Variants in ZNF736 observed in about 807,000 individuals in gnomAD.
ZNF736 encodes the protein KRAB-containing zinc-finger repressor protein.
ZNF736 carries 6 observed loss-of-function variants against 11.7 expected under a neutral mutation model. The ratio of observed to expected loss-of-function variants is 0.51; its 90% CI spans 0.28 to 1.01. ZNF736 has a LOEUF of 1.01. Ranked by LOEUF, ZNF736 falls within the 50% of genes least tolerant of loss-of-function variation. The pLI, the probability that ZNF736 is intolerant of heterozygous loss-of-function variation, is 0.09. For missense variants in ZNF736, 444 were observed against 496.0 expected (o/e 0.90, Z 1.00); for synonymous variants, 139 against 164.7 (o/e 0.84, Z 1.19).
rs542365171 is a variant in ZNF736 at position 64,353,822 on chromosome 7, C to A, written c.*4675C>A. 6 of 152,260 alleles carry A rather than the reference C, an allele frequency of 3.9e-5. No individual in the cohort carries two copies. Among genetic ancestry groups the A allele is most frequent in the Non-Finnish European group, 5.9e-5 (4 of 68,024 alleles). The allele number at this position is 152,260 out of a possible 1,614,324, so 9.4% of individuals were successfully genotyped here. A position where few individuals can be genotyped will look rare whatever the true frequency, so the allele number is the denominator to read the frequency against. On this transcript the variant is annotated 3_prime_UTR_variant, in exon 4 of 4. Transcript: ENST00000423484. ...TAGAAGGAAATTGCCTTACCATTTGCAAATTAAGGTAATTAAAATACAGTG... is the reference window on the plus strand; with the variant it reads ...TAGAAGGAAATTGCCTTACCATTTGAAAATTAAGGTAATTAAAATACAGTG...
chr7:64,328,764 A>C (rs1163413810), intron 1 of ZNF736, among the ~76,000 whole-genome samples: 2 of 152,152 alleles, frequency 1.3e-5, no homozygotes, highest in Non-Finnish European at 2.9e-5. Flanking sequence ...TCTGTCTGAA[A>C]AAAAAACTTC....
intron 3 of ZNF736, among the ~76,000 whole-genome samples, chr7:64,337,901 T>C (rs1789282822): frequency 6.6e-6 from 1 of 152,000 alleles, no homozygotes; most frequent in South Asian, 2.1e-4. Flanking sequence ...ATTACAGGCA[T>C]GTGCCACCAC....
intron 1 of ZNF736, among the ~76,000 whole-genome samples, chr7:64,328,900 T>G (rs1789119592): frequency 6.6e-6 from 1 of 152,110 alleles, no homozygotes; most frequent in Non-Finnish European, 1.5e-5. Flanking sequence ...TACCCAGAAC[T>G]TTTTCTCTAC....
intron 3 of ZNF736, among the ~76,000 whole-genome samples, chr7:64,340,688 G>A (rs1194491028): frequency 1.3e-5 from 2 of 152,090 alleles, no homozygotes; most frequent in Non-Finnish European, 2.9e-5. Context: ...AGGATTACAG[G>A]TGTGAACCAC....
At chr7:64,337,749 T>TG (rs1789275796) in intron 3 of ZNF736, among the ~76,000 whole-genome samples, 3 of 71,400 alleles carry the variant, frequency 4.2e-5, no homozygotes, top group African/African-American at 8.9e-5. Context: ...TTGTTTTGTT[T>TG]TTTTTGGTTT....
rs1191135840 is a variant in ZNF736, at chr7:64,352,525, C to G, written c.*3378C>G. Reference sequence around the variant, plus strand: ...CCAGAAGGCTGGAACAGCTAACTCACACAAACAGCAAAAATGGCAGCTCAC... The same window carrying G: ...CCAGAAGGCTGGAACAGCTAACTCAGACAAACAGCAAAAATGGCAGCTCAC... On this transcript the variant is annotated 3_prime_UTR_variant, in exon 4 of 4. Transcript: ENST00000423484. 3 of 153,104 alleles carry G rather than the reference C, an allele frequency of 2.0e-5. No homozygotes were observed. Among genetic ancestry groups the G allele is most frequent in the Non-Finnish European group, 4.4e-5 (3 of 68,684 alleles). 9.5% of individuals were successfully genotyped at this position (153,104 alleles called of 1,614,324 possible). A position where few individuals can be genotyped will look rare whatever the true frequency, so the allele number is the denominator to read the frequency against.
intron 1 of ZNF736, among the ~76,000 whole-genome samples, chr7:64,317,273 CA>C (rs545549834): frequency 4.0e-4 from 61 of 152,214 alleles, no homozygotes; most frequent in Middle Eastern, 3.4e-3. Context: ...ACAGTTTTAT[CA>C]GTAATTTTTT....
chr7:64,338,765 T>G (rs1334421281), intron 3 of ZNF736, among the ~76,000 whole-genome samples: 2 of 152,128 alleles, frequency 1.3e-5, no homozygotes, highest in East Asian at 3.8e-4. Flanking sequence ...AGATTGCTTT[T>G]GTATCTTGAC....
Position 64,349,278 on chromosome 7 carries a change from C to T in ZNF736, c.*131C>T, listed in dbSNP as rs1243865292. On this transcript the variant is annotated 3_prime_UTR_variant, in exon 4 of 4. Transcript: ENST00000423484. Reference sequence around the variant, plus strand: ...ATCTTAGAGGGTCTCTAAGAACTTACTTTATAATCTGGTTGCTTATATGTT... The same window carrying T: ...ATCTTAGAGGGTCTCTAAGAACTTATTTTATAATCTGGTTGCTTATATGTT... 7 of 838,502 alleles carry T rather than the reference C, an allele frequency of 8.3e-6. No homozygotes were observed. Among genetic ancestry groups the T allele is most frequent in the South Asian group, 2.2e-5 (1 of 46,056 alleles). The allele number at this position is 838,502 out of a possible 1,614,324, so 51.9% of individuals were successfully genotyped here. A position where few individuals can be genotyped will look rare whatever the true frequency, so the allele number is the denominator to read the frequency against.
chr7:64,325,060 T>C (rs1789064362), intron 1 of ZNF736, among the ~76,000 whole-genome samples: 1 of 152,194 alleles, frequency 6.6e-6, no homozygotes, highest in Non-Finnish European at 1.5e-5. Context: ...CCCTTCACTA[T>C]TGACTTTCGT....
chr7:64,327,446 G>A (rs1279458645), intron 1 of ZNF736, among the ~76,000 whole-genome samples: 3 of 151,892 alleles, frequency 2.0e-5, no homozygotes, highest in African/African-American at 7.3e-5. Context: ...ACAAATTGTC[G>A]GGTCTTGGGT....
chr7:64,326,213 G>A (rs1266065182), intron 1 of ZNF736, among the ~76,000 whole-genome samples: 2 of 152,168 alleles, frequency 1.3e-5, no homozygotes, highest in Non-Finnish European at 2.9e-5. Flanking sequence ...TTACCAGACA[G>A]GATATAAACA....
intron 1 of ZNF736, among the ~76,000 whole-genome samples, chr7:64,327,052 A>G (rs770367191): frequency 4.6e-5 from 7 of 152,116 alleles, no homozygotes; most frequent in African/African-American, 9.7e-5. Flanking sequence ...GTAAATTTCT[A>G]TTAGGTCTAT....
intron 1 of ZNF736, among the ~76,000 whole-genome samples, chr7:64,326,990 C>T (rs1282633864): frequency 6.6e-6 from 1 of 151,982 alleles, no homozygotes; most frequent in African/African-American, 2.4e-5. Context: ...GAGAATAATC[C>T]AAGGGCTGAA....
At chr7:64,320,964 A>C (rs953443964) in intron 1 of ZNF736, among the ~76,000 whole-genome samples, 2 of 152,226 alleles carry the variant, frequency 1.3e-5, no homozygotes, top group African/African-American at 4.8e-5. Flanking sequence ...ATTATACATA[A>C]GTTCAGCTTA....
At chr7:64,316,830 A>G (rs1002129048) in intron 1 of ZNF736, among the ~76,000 whole-genome samples, 2 of 152,190 alleles carry the variant, frequency 1.3e-5, no homozygotes, top group Admixed American at 1.3e-4. Flanking sequence ...TTTACCTTTT[A>G]TATTTCCCAC....
In ZNF736 at chr7:64,348,821, AAAGCTTTT is replaced by A; in HGVS notation, c.962_969del (p.Ala321ValfsTer6). 1 of 1,589,758 alleles carries A rather than the reference AAAGCTTTT, an allele frequency of 6.3e-7. No homozygotes were observed. Among genetic ancestry groups the A allele is most frequent in the Non-Finnish European group, 8.6e-7 (1 of 1,167,780 alleles). The stretch of plus-strand genomic sequence containing the variant: ...ACCCTACACATGTAATGAATGTGGA[AAAGCTTTT>A]AAGTGGTTCTCGGCCCTTAGTAAAC... On this transcript the variant is annotated frameshift_variant, in exon 4 of 4. Coordinates refer to ENST00000423484, the MANE Select transcript of ZNF736 (RefSeq NM_001170905.3). LOFTEE classifies it low-confidence loss of function (END_TRUNC).
At chr7:64,337,726 T>TTTTTG (rs138573515) in intron 3 of ZNF736, among the ~76,000 whole-genome samples, 9 of 147,452 alleles carry the variant, frequency 6.1e-5, no homozygotes, top group South Asian at 2.1e-4. Flanking sequence ...CTGAGTATTT[T>TTTTTG]TTTTGTTTTG....
chr7:64,342,772 C>T (rs1459451466), intron 3 of ZNF736, among the ~76,000 whole-genome samples: 1 of 151,974 alleles, frequency 6.6e-6, no homozygotes, highest in Non-Finnish European at 1.5e-5. Context: ...ATATTATAAT[C>T]TTTGATTTAT....
Sources: allele counts gnomAD v4.1 joint callset (sites outside exome capture counted in the v4.1 genomes callset), GRCh38; gene constraint gnomAD v4.1.1; transcripts MANE v1.5; gene names NCBI Gene and HGNC (gene_info 2026-07-23, HGNC 2026-07-21).